CROCC: variants seen among roughly 807,000 people sequenced by gnomAD.
The protein encoded by CROCC is ciliary rootlet coiled-coil, rootletin, also known as rootletin.
CROCC carries 180 observed loss-of-function variants against 245.2 expected under a neutral mutation model. That is an observed-to-expected ratio of 0.73 (90% CI 0.65 to 0.83). The LOEUF (loss-of-function observed/expected upper bound fraction) is 0.83, where lower values mean the gene tolerates loss of function less well. CROCC is among the 40% of genes least tolerant of loss of function. CROCC has a pLI of 0.00. For missense variants in CROCC, 2,688 were observed against 2,779.4 expected (o/e 0.97, Z 0.74); for synonymous variants, 1,205 against 1,241.6 (o/e 0.97, Z 0.62).
intron 20 of CROCC, among the ~76,000 whole-genome samples, chr1:16,952,714 G>A (rs2076182965): frequency 6.6e-6 from 1 of 152,156 alleles, no homozygotes; most frequent in African/African-American, 2.4e-5. Flanking sequence ...CCAAATCTGT[G>A]TTCTCTCCAG....
intron 10 of CROCC, among the ~76,000 whole-genome samples, chr1:16,938,019 C>T (rs571331494): frequency 2.6e-5 from 4 of 152,280 alleles, no homozygotes; most frequent in Admixed American, 6.5e-5. Flanking sequence ...GCGGGAGAGT[C>T]GGGACTTGAA....
Position 16,954,667 on chromosome 1 carries a change from C to G in CROCC, c.3322-67C>G. The stretch of plus-strand genomic sequence containing the variant: ...AGCTAAAAGTGGACAGTGCACTGAG[C>G]GGGTTGGGAGCAGCCCGGGGCTGGG... On this transcript the variant is annotated intron_variant, in intron 22 of 36. Transcript: ENST00000375541. This position sits in a 1 kb window ranked among gnomAD's most constrained non-coding sequence, Gnocchi z 4.4. The G allele has an allele frequency of 1.3e-6, 2 of 1,481,802 alleles. No individual in the cohort carries two copies. Among genetic ancestry groups the G allele is most frequent in the African/African-American group, 2.8e-5 (2 of 71,196 alleles). 91.8% of individuals were successfully genotyped at this position (1,481,802 alleles called of 1,614,324 possible).
chr1:16,940,265 C>T (rs1408258349), intron 13 of CROCC, among the ~76,000 whole-genome samples, 172 bp downstream of exon 13: 1 of 152,264 alleles, frequency 6.6e-6, no homozygotes, highest in Non-Finnish European at 1.5e-5. Flanking sequence ...GCCCTGTCGC[C>T]CAGGCTGGAG....
chr1:16,937,804 G>A (rs1346604880), intron 10 of CROCC, 67 bp downstream of exon 10: 1 of 1,392,672 alleles, frequency 7.2e-7, no homozygotes, highest in African/African-American at 1.4e-5. Flanking sequence ...CATGGACGCA[G>A]GCTTAGGGCT....
In CROCC at chr1:16,954,894, C is replaced by T. The variant is rs1034925600; in HGVS notation, c.3465+17C>T. The stretch of plus-strand genomic sequence containing the variant: ...CTTCGCGAGGTGAGCAGCCGCCCCC[C>T]TCTTCCAAGCAGCATACCCTAAATG... On this transcript the variant is annotated intron_variant, in intron 23 of 36. Transcript: ENST00000375541. The surrounding 1 kb of genome is among the most constrained non-coding windows in gnomAD (Gnocchi z 4.4). The T allele has an allele frequency of 3.3e-6, 5 of 1,512,184 alleles. No individual in the cohort carries two copies. The highest frequency in any genetic ancestry group is 4.5e-6 in the Non-Finnish European group (5 of 1,120,922). The allele number at this position is 1,512,184 out of a possible 1,614,324, so 93.7% of individuals were successfully genotyped here.
chr1:16,923,820 A>G (rs1213768412), intron 2 of CROCC, among the ~76,000 whole-genome samples: 2 of 152,166 alleles, frequency 1.3e-5, no homozygotes, highest in Non-Finnish European at 1.5e-5. Flanking sequence ...AGCTGGGACT[A>G]CAGGCATACA....
chr1:16,919,281 C>T (rs544843841), upstream of CROCC, among the ~76,000 whole-genome samples: 2 of 152,400 alleles, frequency 1.3e-5, no homozygotes, highest in African/African-American at 4.8e-5. Context: ...CATTGGGAGG[C>T]TGCTGGTCTA....
At chr1:16,928,574 C>T (rs796661522) in intron 3 of CROCC, among the ~76,000 whole-genome samples, 12 of 152,002 alleles carry the variant, frequency 7.9e-5, no homozygotes, top group South Asian at 2.1e-4. Flanking sequence ...GAGGCCGAGG[C>T]GGGTGGATTA....
intron 3 of CROCC, among the ~76,000 whole-genome samples, chr1:16,924,989 A>G (rs1385030707): frequency 2.0e-5 from 3 of 152,278 alleles, no homozygotes; most frequent in African/African-American, 7.2e-5. Flanking sequence ...AGGAAGGAGA[A>G]GCAGGCCTGT....
intron 27 of CROCC, among the ~76,000 whole-genome samples, chr1:16,963,354 G>A (rs1229016715): frequency 1.3e-5 from 2 of 151,916 alleles, no homozygotes; most frequent in African/African-American, 4.8e-5. Context: ...AGGTGCGCCT[G>A]TCCTGTGGAC....
At chr1:16,927,477 C>T (rs1160519698) in intron 3 of CROCC, among the ~76,000 whole-genome samples, 10 of 152,228 alleles carry the variant, frequency 6.6e-5, no homozygotes, top group East Asian at 3.8e-4. Flanking sequence ...CTTGCCTCAC[C>T]GACACACAGA....
chr1:16,923,137 C>T (rs1468349674), intron 2 of CROCC, among the ~76,000 whole-genome samples: 1 of 152,272 alleles, frequency 6.6e-6, no homozygotes, highest in African/African-American at 2.4e-5. Context: ...GAGGGCAGCT[C>T]AGCTCAGACC....
At position 16,966,392 on chromosome 1, in the gene CROCC, T is replaced by C; in HGVS notation, c.4697-16T>C. 6.7e-7 allele frequency: 1 copy of C among 1,503,648 alleles called. No individual in the cohort carries two copies. The highest frequency in any genetic ancestry group is 8.9e-7 in the Non-Finnish European group (1 of 1,127,210). 93.1% of individuals were successfully genotyped at this position (1,503,648 alleles called of 1,614,324 possible). On this transcript the variant is annotated splice_polypyrimidine_tract_variant and intron_variant, in intron 29 of 36. Transcript: ENST00000375541. This position sits in a 1 kb window ranked among gnomAD's most constrained non-coding sequence, Gnocchi z 4.8. ...CTGTGCTTGGCCATGCCTGACGGGGTGGGTGGTGGCTACAGCCCGGCGCAG... is the reference window on the plus strand; with the variant it reads ...CTGTGCTTGGCCATGCCTGACGGGGCGGGTGGTGGCTACAGCCCGGCGCAG...
intron 1 of CROCC, among the ~76,000 whole-genome samples, chr1:16,914,401 C>T (rs2075282339): frequency 6.6e-6 from 1 of 152,252 alleles, no homozygotes; most frequent in Non-Finnish European, 1.5e-5. Flanking sequence ...AGGGCGCAGC[C>T]GTCCCTCCGC....
intron 27 of CROCC, among the ~76,000 whole-genome samples, chr1:16,963,907 TGCCTCA>T (rs2076374856): frequency 6.6e-6 from 1 of 152,128 alleles, no homozygotes; most frequent in Non-Finnish European, 1.5e-5. Context: ...GCGATTCTCC[TGCCTCA>T]GCCTCCTGAG....
rs369782048 is a variant in CROCC at position 16,968,385 on chromosome 1, C to G, written c.5043C>G (p.Ala1681=). ...GLSDREAQAQ[A]LQDRVDSLQR... Reference sequence around the variant, plus strand: ...GTGACCGCGAGGCCCAAGCCCAGGCCCTCCAGGATCGGGTGGATTCCCTGC... The same window carrying G: ...GTGACCGCGAGGCCCAAGCCCAGGCGCTCCAGGATCGGGTGGATTCCCTGC... The change falls in exon 31 of 37, where the codon GCC becomes GCG. Residue 1681 remains alanine, a synonymous_variant. Coordinates refer to ENST00000375541, the MANE Select transcript of CROCC (RefSeq NM_014675.5). 34 of 1,509,588 alleles carry G rather than the reference C, an allele frequency of 2.3e-5. No individual in the cohort carries two copies. In the South Asian group the frequency reaches 4.2e-4, roughly 19 times the overall value. The allele number at this position is 1,509,588 out of a possible 1,614,324, so 93.5% of individuals were successfully genotyped here.
At chr1:16,926,194 TTGAA>T (rs1373119974) in intron 3 of CROCC, among the ~76,000 whole-genome samples, 1 of 152,222 alleles carries the variant, frequency 6.6e-6, no homozygotes, top group African/African-American at 2.4e-5. Context: ...CCACCATGGT[TTGAA>T]TGAGGCCCCA....
chr1:16,969,601 G>T (rs1186983857), intron 32 of CROCC, among the ~76,000 whole-genome samples, 184 bp from the exon 33 acceptor site: 1 of 152,204 alleles, frequency 6.6e-6, no homozygotes, highest in Non-Finnish European at 1.5e-5. Context: ...GAGAGTTGGG[G>T]TCTGAGTGGG....
At chr1:16,968,114 C>A in intron 30 of CROCC, 89 bp from the exon 31 acceptor site, 1 of 1,365,082 alleles carries the variant, frequency 7.3e-7, no homozygotes, top group Non-Finnish European at 1.0e-6. Flanking sequence ...GAGGCTGCTC[C>A]CCACTTTCCC....
Sources: allele counts gnomAD v4.1 joint callset (sites outside exome capture counted in the v4.1 genomes callset), GRCh38; gene constraint gnomAD v4.1.1; non-coding constraint Gnocchi (gnomAD v3.1); transcripts MANE v1.5; gene names NCBI Gene and HGNC (gene_info 2026-07-23, HGNC 2026-07-21).